MMP20: variants seen among roughly 807,000 people sequenced by gnomAD.
MMP20 encodes matrix metallopeptidase 20.
Under a neutral mutation model 51.8 loss-of-function variants are expected in MMP20, and 50 were observed. The observed-to-expected ratio is 0.97, with a 90% CI of 0.77 to 1.22. The LOEUF (loss-of-function observed/expected upper bound fraction) is 1.22, where lower values mean the gene tolerates loss of function less well. Ranked by LOEUF, MMP20 falls within the 50% of genes most tolerant of loss-of-function variation. The probability of loss-of-function intolerance (pLI) is 0.00; values close to 1 mark genes in which losing one functional copy is unlikely to be tolerated. For synonymous variants in MMP20, 244 were observed against 216.2 expected (o/e 1.13, Z -1.13); for missense variants, 663 against 601.4 (o/e 1.10, Z -1.07).
At chr11:102,614,108 A>G (rs1054605937) in intron 2 of MMP20, among the ~76,000 whole-genome samples, 1 of 152,204 alleles carries the variant, frequency 6.6e-6, no homozygotes, top group African/African-American at 2.4e-5. Context: ...TTAATGTGGC[A>G]TTTATCTAAT....
rs190136444 is a variant in MMP20 at position 102,619,279 on chromosome 11, G to C, written c.127-2220C>G. On this transcript the variant is annotated intron_variant, in intron 1 of 9. Coordinates refer to ENST00000260228, the MANE Select transcript of MMP20 (RefSeq NM_004771.4). Reference sequence around the variant, plus strand: ...ATAAGACCAGGTCCTCTGTGTCTCTGAGATCATTGATTTCAAATATTTTGT... The same window carrying C: ...ATAAGACCAGGTCCTCTGTGTCTCTCAGATCATTGATTTCAAATATTTTGT... 1.2e-4 allele frequency among the ~76,000 whole-genome samples: 19 copies of C among 152,240 alleles called. No individual in the cohort carries two copies. In the East Asian group the frequency reaches 2.9e-3, roughly 23 times the overall value.
Position 102,577,216 on chromosome 11 carries a change from T to C in MMP20, c.*110A>G. On this transcript the variant is annotated 3_prime_UTR_variant, in exon 10 of 10. Transcript: ENST00000260228. ...TATTCTCAGTGAATTCTAATTTGAT[T>C]TGAAGGCCTTTGGAAGAATCCCTCT... 1 of 738,796 alleles carries C rather than the reference T, an allele frequency of 1.4e-6. No individual in the cohort carries two copies. Among genetic ancestry groups the C allele is most frequent in the Non-Finnish European group, 2.4e-6 (1 of 410,270 alleles). 45.8% of individuals were successfully genotyped at this position (738,796 alleles called of 1,614,324 possible). A position where few individuals can be genotyped will look rare whatever the true frequency, so the allele number is the denominator to read the frequency against.
intron 1 of MMP20, among the ~76,000 whole-genome samples, chr11:102,623,607 CA>C (rs1454912974): frequency 1.3e-5 from 2 of 152,200 alleles, no homozygotes; most frequent in South Asian, 2.1e-4. Flanking sequence ...ATAGACTGGT[CA>C]GGGGTGACTA....
intron 8 of MMP20, among the ~76,000 whole-genome samples, chr11:102,588,315 A>C (rs1034578051): frequency 4.6e-5 from 7 of 152,022 alleles, no homozygotes; most frequent in Admixed American, 6.5e-5. Context: ...ATTAATTGTT[A>C]TAATTATTAT....
At chr11:102,624,922 C>T (rs891076067) in intron 1 of MMP20, among the ~76,000 whole-genome samples, 1 of 152,062 alleles carries the variant, frequency 6.6e-6, no homozygotes, top group Non-Finnish European at 1.5e-5. Flanking sequence ...TTTTATATTG[C>T]ATGGTTTTCA....
chr11:102,579,310 T>C lies in MMP20; in HGVS notation c.1248-168A>G, dbSNP rs1350557056. ...TTTATGTTGTTATTTATTTTTTCTT[T>C]GTTGTGTTTTTGTTTTTTTTTTGAG... On this transcript the variant is annotated intron_variant, in intron 8 of 9. Transcript: ENST00000260228. Among the ~76,000 whole-genome samples, 4 of 151,974 alleles carry C rather than the reference T, an allele frequency of 2.6e-5. No individual in the cohort carries two copies. In the East Asian group the frequency reaches 7.7e-4, roughly 29 times the overall value.
chr11:102,588,905 C>T (rs1859283158), intron 8 of MMP20, among the ~76,000 whole-genome samples: 1 of 150,868 alleles, frequency 6.6e-6, no homozygotes, highest in Admixed American at 6.6e-5. Context: ...TTTGAGTATG[C>T]TTTCCACTGC....
rs760296904 is a variant in MMP20, at chr11:102,609,014, T to G, written c.734A>C (p.Tyr245Ser). ...AHSTDPSALM[Y>S]PTYKYKNPYG... Reference sequence around the variant, plus strand: ...GGGATTCTTGTACTTATAAGTTGGGTACATCAGTGCTGATGGGTCTGTGGA... The same window carrying G: ...GGGATTCTTGTACTTATAAGTTGGGGACATCAGTGCTGATGGGTCTGTGGA... Residue 245 changes from tyrosine to serine, a missense_variant, in exon 5 of 10, where the codon TAC (tyrosine) becomes TCC (serine). Tyr to Ser is a moderately radical substitution (Grantham distance 144). Coordinates refer to ENST00000260228, the MANE Select transcript of MMP20 (RefSeq NM_004771.4). The G allele has an allele frequency of 1.2e-6, 2 of 1,613,976 alleles. No homozygotes were observed. Among genetic ancestry groups the G allele is most frequent in the Non-Finnish European group, 1.7e-6 (2 of 1,179,856 alleles).
chr11:102,579,994 T>G (rs1338193033), intron 8 of MMP20, among the ~76,000 whole-genome samples: 2 of 152,228 alleles, frequency 1.3e-5, no homozygotes, highest in East Asian at 1.9e-4. Flanking sequence ...ACTGAATGAA[T>G]AAAGAAATGT....
chr11:102,609,920 T>C lies in MMP20; in HGVS notation c.634A>G (p.Thr212Ala). The C allele has an allele frequency of 6.2e-7, 1 of 1,614,200 alleles. No homozygotes were observed. The highest frequency in any genetic ancestry group is 8.5e-7 in the Non-Finnish European group (1 of 1,180,034). ...GCATATATACCATTCGTTCCCATAG[T>C]CCACTTCTCAGCATTGTCGAAATGT... is the stretch of plus-strand genomic sequence containing the variant. ...DTHFDNAEKWTMGTNGFNLFT... is the reference protein window; with the variant it reads ...DTHFDNAEKWAMGTNGFNLFT... The change falls in exon 4 of 10, where the codon ACT becomes GCT. Residue 212 changes from threonine to alanine, a missense_variant. Coordinates refer to ENST00000260228, the MANE Select transcript of MMP20 (RefSeq NM_004771.4).
chr11:102,585,089 G>T (rs1859239663), intron 8 of MMP20, among the ~76,000 whole-genome samples: 1 of 152,006 alleles, frequency 6.6e-6, no homozygotes, highest in Admixed American at 6.5e-5. Context: ...AAGATATTTT[G>T]GCTATTCTAG....
chr11:102,606,461 G>C (rs1302932013), intron 6 of MMP20, 74 bp downstream of exon 6: 2 of 1,585,512 alleles, frequency 1.3e-6, no homozygotes, highest in Non-Finnish European at 1.7e-6. Flanking sequence ...GCAGCAACAA[G>C]GACCTGTGGG....
chr11:102,619,186 T>C (rs185426949), intron 1 of MMP20, among the ~76,000 whole-genome samples: 40 of 152,266 alleles, frequency 2.6e-4, no homozygotes, highest in African/African-American at 9.6e-4. Flanking sequence ...TCTGTGCAAG[T>C]TGATGCTGTG....
intron 1 of MMP20, among the ~76,000 whole-genome samples, chr11:102,618,866 C>T (rs1859709391): frequency 6.6e-6 from 1 of 152,110 alleles, no homozygotes; most frequent in Non-Finnish European, 1.5e-5. Flanking sequence ...AAGTATCACT[C>T]ATGTTTGGAG....
At chr11:102,577,747 A>C (rs921542237) in intron 9 of MMP20, among the ~76,000 whole-genome samples, 3 of 152,210 alleles carry the variant, frequency 2.0e-5, no homozygotes, top group African/African-American at 7.2e-5. Context: ...TCCCTAGTTA[A>C]GCCTCCGGCC....
chr11:102,579,220 A>C lies in MMP20; in HGVS notation c.1248-78T>G, dbSNP rs1940054. On this transcript the variant is annotated intron_variant, in intron 8 of 9. Transcript: ENST00000260228. ...GTAGATGACACTATACTGGTCAGGC[A>C]TATGGACACATAACTTATTTAGGTG... 529,524 of 906,752 alleles carry C rather than the reference A, an allele frequency of 0.58. 156,143 individuals carry two copies. The highest frequency in any genetic ancestry group is 0.78 in the East Asian group (29,918 of 38,232). 56.2% of individuals were successfully genotyped at this position (906,752 alleles called of 1,614,324 possible).
At chr11:102,584,746 G>A (rs1859235311) in intron 8 of MMP20, among the ~76,000 whole-genome samples, 1 of 151,958 alleles carries the variant, frequency 6.6e-6, no homozygotes, top group Non-Finnish European at 1.5e-5. Flanking sequence ...TAAGAGTTTT[G>A]TCAGATTAGC....
chr11:102,581,080 C>T (rs970314606), intron 8 of MMP20, among the ~76,000 whole-genome samples: 2 of 152,118 alleles, frequency 1.3e-5, no homozygotes, highest in African/African-American at 2.4e-5. Flanking sequence ...ATCAGGAAAA[C>T]GTACTTTGAG....
intron 2 of MMP20, among the ~76,000 whole-genome samples, chr11:102,613,089 C>G (rs1224675282): frequency 6.6e-6 from 1 of 152,138 alleles, no homozygotes; most frequent in Non-Finnish European, 1.5e-5. Flanking sequence ...CGGAGGCTCA[C>G]TGGAATTGAA....
Sources: gnomAD v4.1 joint callset for allele counts (sites outside exome capture counted in the v4.1 genomes callset) on GRCh38, gnomAD v4.1.1 for gene constraint, MANE v1.5 for transcripts, NCBI Gene and HGNC (gene_info 2026-07-23, HGNC 2026-07-21) for gene names.